Variants in LINGO2 observed in about 807,000 individuals in gnomAD.
The protein encoded by LINGO2 is leucine rich repeat and Ig domain containing 2.
LINGO2 carries 14 observed loss-of-function variants against 30.6 expected under a neutral mutation model. That is an observed-to-expected ratio of 0.46 (90% CI 0.30 to 0.72). The LOEUF is 0.72. Ranked by LOEUF, LINGO2 falls within the 30% of genes least tolerant of loss-of-function variation. LINGO2 has a pLI of 0.07. For missense variants in LINGO2, 729 were observed against 751.7 expected (o/e 0.97, Z 0.35); for synonymous variants, 317 against 288.5 (o/e 1.10, Z -1.00).
chr9:28,875,722 T>A, the LINGO2 span, among the ~76,000 whole-genome samples: 1 of 152,140 alleles, frequency 6.6e-6, no homozygotes, highest in African/African-American at 2.4e-5. Context: ...GCTTGTTTCC[T>A]TTTTATTAGA....
the LINGO2 span, among the ~76,000 whole-genome samples, chr9:29,123,562 A>G: frequency 6.6e-6 from 1 of 152,088 alleles, no homozygotes; most frequent in African/African-American, 2.4e-5. Flanking sequence ...TAGTGAAGAG[A>G]TAAACAAGAC....
At chr9:28,647,925 C>A (rs1155415) in intron 1 of LINGO2, among the ~76,000 whole-genome samples, 20,217 of 137,226 alleles carry the variant, frequency 0.15, 1,952 homozygotes, top group African/African-American at 0.28. Flanking sequence ...CCTTACATAG[C>A]TTGTGGTTAA....
At chr9:28,122,074 C>A (rs1033466892) in intron 4 of LINGO2, among the ~76,000 whole-genome samples, 1 of 152,176 alleles carries the variant, frequency 6.6e-6, no homozygotes, top group Admixed American at 6.5e-5. Context: ...CTGGTGTTCA[C>A]AAAACTAGCG....
intron 1 of LINGO2, among the ~76,000 whole-genome samples, chr9:28,619,581 T>G (rs892659270): frequency 6.6e-6 from 1 of 152,160 alleles, no homozygotes; most frequent in East Asian, 1.9e-4. Context: ...CACTGAGAAA[T>G]AGATCTAAAA....
chr9:28,504,060 G>A (rs1237618828), intron 1 of LINGO2, among the ~76,000 whole-genome samples: 5 of 151,820 alleles, frequency 3.3e-5, no homozygotes, highest in African/African-American at 7.2e-5. Flanking sequence ...TCAAAGGTCA[G>A]ATCTATAGTG....
the LINGO2 span, among the ~76,000 whole-genome samples, chr9:29,127,522 T>G: frequency 6.6e-6 from 1 of 152,158 alleles, no homozygotes; most frequent in African/African-American, 2.4e-5. Context: ...TACTGCAGGC[T>G]TTTGGCCAGG....
intron 4 of LINGO2, among the ~76,000 whole-genome samples, chr9:28,072,411 G>A (rs1208186984): frequency 6.6e-6 from 1 of 152,148 alleles, no homozygotes; most frequent in Non-Finnish European, 1.5e-5. Context: ...AGTTTCAGCA[G>A]AAACCAAAAC....
At chr9:28,198,480 TCTTTC>T (rs1820099179) in intron 4 of LINGO2, among the ~76,000 whole-genome samples, 1 of 152,208 alleles carries the variant, frequency 6.6e-6, no homozygotes, top group South Asian at 2.1e-4. Flanking sequence ...CTTTTCAATT[TCTTTC>T]CTTTGCATAT....
At chr9:29,134,137 C>T in the LINGO2 span, among the ~76,000 whole-genome samples, 2 of 152,054 alleles carry the variant, frequency 1.3e-5, no homozygotes, top group Non-Finnish European at 2.9e-5. Context: ...ACAATTCTGG[C>T]TTACTTATTT....
chr9:28,270,906 C>G (rs1310661544), intron 4 of LINGO2, among the ~76,000 whole-genome samples: 1 of 152,024 alleles, frequency 6.6e-6, no homozygotes, highest in Non-Finnish European at 1.5e-5. Flanking sequence ...AATCATTTGC[C>G]AAAGTTTACT....
At chr9:29,144,825 G>A in the LINGO2 span, among the ~76,000 whole-genome samples, 1 of 151,990 alleles carries the variant, frequency 6.6e-6, no homozygotes, top group Admixed American at 6.6e-5. Context: ...TACTAAGAAG[G>A]GGAAATTAAA....
chr9:28,438,146 C>T (rs981959075), intron 2 of LINGO2, among the ~76,000 whole-genome samples: 8 of 152,070 alleles, frequency 5.3e-5, no homozygotes, highest in African/African-American at 1.7e-4. Context: ...AAAAAATTAT[C>T]GTCCAGCTAG....
At chr9:28,669,975 A>G (rs944001888) in intron 1 of LINGO2, among the ~76,000 whole-genome samples, 1 of 152,038 alleles carries the variant, frequency 6.6e-6, no homozygotes, top group East Asian at 1.9e-4. Context: ...CTTTACAGAG[A>G]AAAATTTATA....
the LINGO2 span, among the ~76,000 whole-genome samples, chr9:29,063,406 C>T: frequency 2.9e-4 from 42 of 142,754 alleles, no homozygotes; most frequent in African/African-American, 7.7e-5. Context: ...CTATTTACAC[C>T]TTTTTTTTTT....
intron 5 of LINGO2, among the ~76,000 whole-genome samples, chr9:27,992,607 TTAA>T (rs756662863): frequency 6.6e-6 from 1 of 151,944 alleles, no homozygotes; most frequent in African/African-American, 2.4e-5. Context: ...CAAAACTAAT[TTAA>T]TAATATAAAG....
intron 4 of LINGO2, among the ~76,000 whole-genome samples, chr9:28,031,901 T>A (rs568124877): frequency 6.6e-6 from 1 of 152,262 alleles, no homozygotes; most frequent in Non-Finnish European, 1.5e-5. Flanking sequence ...CTCCTTAAAA[T>A]ACCTTCAATC....
chr9:28,910,309 T>C, the LINGO2 span, among the ~76,000 whole-genome samples: 2 of 139,118 alleles, frequency 1.4e-5, no homozygotes, highest in Non-Finnish European at 3.2e-5. Context: ...TGCTCACCAA[T>C]TTTTTTTTGA....
exon 6 of LINGO2, chr9:27,949,757 C>G (rs753061857): frequency 6.2e-7 from 1 of 1,614,016 alleles, no homozygotes; most frequent in Non-Finnish European, 8.5e-7. Flanking sequence ...GCTGGGCCCC[C>G]ACTATATGAA....
At chr9:28,462,485 G>T (rs1244885770) in intron 2 of LINGO2, among the ~76,000 whole-genome samples, 1 of 150,748 alleles carries the variant, frequency 6.6e-6, no homozygotes, top group East Asian at 1.9e-4. Flanking sequence ...TTTTGAAAGG[G>T]ATCAAGCACA....
Sources: gnomAD v4.1 joint callset for allele counts (sites outside exome capture counted in the v4.1 genomes callset) on GRCh38, gnomAD v4.1.1 for gene constraint, MANE v1.5 for transcripts, NCBI Gene and HGNC (gene_info 2026-07-23, HGNC 2026-07-21) for gene names.